Variants in RBFOX1 observed in about 807,000 individuals in gnomAD.
The protein encoded by RBFOX1 is RNA binding protein fox-1 homolog 1.
Under a neutral mutation model 57.7 loss-of-function variants are expected in RBFOX1, and 8 were observed. The observed-to-expected ratio is 0.14, with a 90% CI of 0.08 to 0.25. RBFOX1 has a LOEUF of 0.25. Among genes scored for constraint, RBFOX1 ranks in the 10% least tolerant of loss-of-function variants. The pLI is 1.00. For missense variants in RBFOX1, 611 were observed against 548.5 expected (o/e 1.11, Z -1.14); for synonymous variants, 326 against 222.4 (o/e 1.47, Z -4.15).
rs576836847 is a variant in RBFOX1, at chr16:6,827,216, T to C, written c.-16+172566T>C. ...ATTAGAGGTGTGTTTTTTTTTTTCTTCAACTACTTTAATCTCATTTTCTCC... is the reference window on the plus strand; with the variant it reads ...ATTAGAGGTGTGTTTTTTTTTTTCTCCAACTACTTTAATCTCATTTTCTCC... On this transcript the variant is annotated intron_variant, in intron 3 of 15. Transcript: ENST00000550418. Among the ~76,000 whole-genome samples, 496 of 152,034 alleles carry C rather than the reference T, an allele frequency of 3.3e-3. 3 individuals are homozygous for C. Among genetic ancestry groups the C allele is most frequent in the African/African-American group, 0.011 (473 of 41,468 alleles).
chr16:5,961,735 C>A (rs1243025039), intron 4 of RBFOX1, among the ~76,000 whole-genome samples: 1 of 151,980 alleles, frequency 6.6e-6, no homozygotes, highest in African/African-American at 2.4e-5. Flanking sequence ...GCTTTGTTGC[C>A]CAGGCTGGTC....
intron 3 of RBFOX1, among the ~76,000 whole-genome samples, chr16:5,778,387 C>T (rs1021910177): frequency 1.3e-5 from 2 of 152,180 alleles, no homozygotes; most frequent in East Asian, 3.8e-4. Context: ...CCTGGACTGG[C>T]TTCACCCCTA....
chr16:5,288,652 G>A (rs1360288786), intron 1 of RBFOX1, among the ~76,000 whole-genome samples: 1 of 148,980 alleles, frequency 6.7e-6, no homozygotes, highest in Non-Finnish European at 1.5e-5. Context: ...TTAACTAAAA[G>A]AGTTGACAAT....
intron 3 of RBFOX1, among the ~76,000 whole-genome samples, chr16:6,843,193 C>G (rs569601386): frequency 2.0e-5 from 3 of 152,170 alleles, no homozygotes; most frequent in African/African-American, 4.8e-5. Context: ...GAGTGGATGT[C>G]TCTTGGGTTT....
chr16:6,238,848 C>T (rs1335691317), intron 1 of RBFOX1, among the ~76,000 whole-genome samples: 1 of 152,042 alleles, frequency 6.6e-6, no homozygotes, highest in African/African-American at 2.4e-5. Context: ...ATAATTTTAT[C>T]ACGGAGAATG....
intron 3 of RBFOX1, among the ~76,000 whole-genome samples, chr16:6,963,989 C>T (rs79215712): frequency 0.053 from 7,986 of 150,018 alleles, 238 homozygotes; most frequent in African/African-American, 0.072. Flanking sequence ...TGAGCCACTG[C>T]GCCCAGCCCC....
chr16:6,871,908 A>AGT (rs1484075719), intron 3 of RBFOX1, among the ~76,000 whole-genome samples: 4 of 85,120 alleles, frequency 4.7e-5, no homozygotes, highest in Non-Finnish European at 7.5e-5. Context: ...AGAGGGAGAG[A>AGT]GTCTGTGTGT....
At chr16:6,236,469 C>A (rs2097505816) in intron 1 of RBFOX1, among the ~76,000 whole-genome samples, 1 of 151,024 alleles carries the variant, frequency 6.6e-6, no homozygotes, top group Non-Finnish European at 1.5e-5. Context: ...GAGTCTCACT[C>A]TGTCCCTCAG....
intron 3 of RBFOX1, among the ~76,000 whole-genome samples, chr16:6,883,538 C>T (rs1033093738): frequency 3.9e-5 from 6 of 152,200 alleles, no homozygotes; most frequent in African/African-American, 9.6e-5. Flanking sequence ...TCTTCCTAAA[C>T]GGCACACTGC....
intron 3 of RBFOX1, among the ~76,000 whole-genome samples, chr16:6,687,287 G>C (rs1298010029): frequency 6.6e-6 from 1 of 152,090 alleles, no homozygotes; most frequent in Non-Finnish European, 1.5e-5. Context: ...TACTCAGAAG[G>C]GGGAGGTTGG....
chr16:7,657,519 G>T (rs1179286528), intron 12 of RBFOX1, among the ~76,000 whole-genome samples: 1 of 152,172 alleles, frequency 6.6e-6, no homozygotes, highest in Admixed American at 6.5e-5. Context: ...TGGCCAGGCT[G>T]GTCTTGAACT....
At position 5,680,979 on chromosome 16, in the gene RBFOX1, G is replaced by C. The variant is rs978501628; in HGVS notation, c.318+82018G>C. 1.0e-3 allele frequency among the ~76,000 whole-genome samples: 158 copies of C among 152,002 alleles called. 1 individual carries two copies. The highest frequency in any genetic ancestry group is 2.1e-4 in the South Asian group (1 of 4,802). ...AACTATAAAAAGACCAACTTGAGAT[G>C]TTTTAAGTGCCATAAAAGAAAGAAG... On this transcript the variant is annotated intron_variant, in intron 3 of 19. Transcript: ENST00000641259.
At chr16:5,702,464 T>G (rs996553038) in intron 3 of RBFOX1, among the ~76,000 whole-genome samples, 1 of 152,164 alleles carries the variant, frequency 6.6e-6, no homozygotes, top group South Asian at 2.1e-4. Context: ...CCAAACCATA[T>G]CACCTTGGTA....
chr16:6,767,941 TAATAATAAGAAGAAGAAGAAGAAG>T (rs2077602687), intron 3 of RBFOX1, among the ~76,000 whole-genome samples: 1 of 85,160 alleles, frequency 1.2e-5, no homozygotes, highest in Non-Finnish European at 2.2e-5. Flanking sequence ...ATAATAATAA[TAATAATAAGAAGAAGAAGAAGAAG>T]AAGAAGAAGA....
At chr16:6,634,082 C>T (rs1003473306) in intron 2 of RBFOX1, among the ~76,000 whole-genome samples, 1 of 144,792 alleles carries the variant, frequency 6.9e-6, no homozygotes, top group African/African-American at 2.5e-5. Flanking sequence ...CACACATACA[C>T]ACACACATAC....
chr16:6,983,127 C>T (rs1294633263), intron 3 of RBFOX1, among the ~76,000 whole-genome samples: 2 of 151,688 alleles, frequency 1.3e-5, no homozygotes, highest in African/African-American at 2.4e-5. Flanking sequence ...TACCAAAACT[C>T]TTAGCTGTTC....
At chr16:6,423,102 C>A (rs1369901166) in intron 2 of RBFOX1, among the ~76,000 whole-genome samples, 1 of 152,184 alleles carries the variant, frequency 6.6e-6, no homozygotes, top group East Asian at 1.9e-4. Flanking sequence ...CAATTGTGAA[C>A]AGTGCAGAAC....
intron 4 of RBFOX1, among the ~76,000 whole-genome samples, chr16:7,443,525 C>T (rs948600640): frequency 6.6e-6 from 1 of 151,906 alleles, no homozygotes; most frequent in African/African-American, 2.4e-5. Context: ...GATATGAACC[C>T]AACAACCTTG....
intron 4 of RBFOX1, among the ~76,000 whole-genome samples, chr16:7,262,701 A>C (rs1376495872): frequency 6.6e-6 from 1 of 152,260 alleles, no homozygotes; most frequent in East Asian, 1.9e-4. Context: ...AATAATCAGC[A>C]GGTGTCTTGG....
Sources: allele counts gnomAD v4.1 joint callset (sites outside exome capture counted in the v4.1 genomes callset), GRCh38; gene constraint gnomAD v4.1.1; transcripts MANE v1.5; gene names NCBI Gene and HGNC (gene_info 2026-07-23, HGNC 2026-07-21).